FAM171A1: variants seen among roughly 807,000 people sequenced by gnomAD.
FAM171A1 encodes the protein protein FAM171A1.
Under a neutral mutation model 74.9 loss-of-function variants are expected in FAM171A1, and 23 were observed. The observed-to-expected ratio is 0.31, with a 90% CI of 0.22 to 0.44. FAM171A1 has a LOEUF of 0.44. Ranked by LOEUF, FAM171A1 falls within the 20% of genes least tolerant of loss-of-function variation. FAM171A1 has a pLI of 1.00. For synonymous variants in FAM171A1, 527 were observed against 505.7 expected (o/e 1.04, Z -0.57); for missense variants, 1,162 against 1,159.2 (o/e 1.00, Z -0.03).
chr10:15,293,732 G>C (rs1835129458), intron 1 of FAM171A1, among the ~76,000 whole-genome samples: 2 of 152,158 alleles, frequency 1.3e-5, no homozygotes, highest in African/African-American at 4.8e-5. Context: ...GGCTATCTGG[G>C]TACTCACTGC....
chr10:15,352,468 T>C (rs1040484121), intron 1 of FAM171A1, among the ~76,000 whole-genome samples: 1 of 152,214 alleles, frequency 6.6e-6, no homozygotes, highest in Non-Finnish European at 1.5e-5. Flanking sequence ...TCCTCCCTCA[T>C]GTTTACTTGG....
intron 1 of FAM171A1, among the ~76,000 whole-genome samples, chr10:15,290,251 C>A (rs1835087727): frequency 6.6e-6 from 1 of 151,860 alleles, no homozygotes; most frequent in Non-Finnish European, 1.5e-5. Context: ...GGGACAGGAT[C>A]CATCCCAGAA....
chr10:15,351,688 G>T (rs966680692), intron 1 of FAM171A1, among the ~76,000 whole-genome samples: 3 of 152,056 alleles, frequency 2.0e-5, no homozygotes, highest in Admixed American at 6.6e-5. Flanking sequence ...TGGACGGATG[G>T]ATGGGTGGAT....
chr10:15,347,257 G>A (rs931378032), intron 1 of FAM171A1, among the ~76,000 whole-genome samples: 2 of 152,146 alleles, frequency 1.3e-5, no homozygotes, highest in South Asian at 2.1e-4. Context: ...GATAACAGTC[G>A]AACTCCATTT....
chr10:15,238,656 C>T (rs537581225), intron 5 of FAM171A1, among the ~76,000 whole-genome samples: 11 of 152,088 alleles, frequency 7.2e-5, no homozygotes, highest in Non-Finnish European at 1.5e-4. Context: ...TTGTCATAGC[C>T]GTAACATTCA....
chr10:15,234,420 A>G lies in FAM171A1; in HGVS notation c.755-13360T>C, dbSNP rs560140533. On this transcript the variant is annotated intron_variant, in intron 5 of 7. Coordinates refer to ENST00000378116, the MANE Select transcript of FAM171A1 (RefSeq NM_001010924.2). ...AGAATTGGACAAAACGCACAAGCAA[A>G]GCAGCCAAAGCAGAAATTTATTTTA... is the stretch of plus-strand genomic sequence containing the variant. Among the ~76,000 whole-genome samples, 40 of 152,324 alleles carry G rather than the reference A, an allele frequency of 2.6e-4. 1 individual carries two copies. Among genetic ancestry groups the G allele is most frequent in the Middle Eastern group, 3.4e-3 (1 of 294 alleles).
At chr10:15,234,884 G>A (rs1160424059) in intron 5 of FAM171A1, among the ~76,000 whole-genome samples, 1 of 151,912 alleles carries the variant, frequency 6.6e-6, no homozygotes, top group Admixed American at 6.6e-5. Flanking sequence ...GGATGGTCTC[G>A]ATCTCCTGAC....
chr10:15,254,667 T>G, intron 4 of FAM171A1, 54 bp downstream of exon 4: 1 of 1,579,712 alleles, frequency 6.3e-7, no homozygotes, highest in Non-Finnish European at 8.6e-7. Flanking sequence ...AAAATCCACA[T>G]GTAAAGACTA....
intron 1 of FAM171A1, among the ~76,000 whole-genome samples, chr10:15,311,425 T>C (rs1835358136): frequency 6.6e-6 from 1 of 152,242 alleles, no homozygotes; most frequent in Non-Finnish European, 1.5e-5. Flanking sequence ...AAATAGGGAA[T>C]GGCACTGGAA....
chr10:15,313,209 C>T (rs1835384344), intron 1 of FAM171A1, among the ~76,000 whole-genome samples: 3 of 152,190 alleles, frequency 2.0e-5, no homozygotes, highest in Admixed American at 1.3e-4. Flanking sequence ...CTACTCTGAC[C>T]CACTGCTTTG....
chr10:15,348,910 T>C (rs904425350), intron 1 of FAM171A1, among the ~76,000 whole-genome samples: 4 of 152,228 alleles, frequency 2.6e-5, no homozygotes, highest in African/African-American at 9.6e-5. Flanking sequence ...ACCTTTTCTC[T>C]AAAGCAACGG....
At chr10:15,353,468 T>A (rs932384292) in intron 1 of FAM171A1, among the ~76,000 whole-genome samples, 1 of 152,140 alleles carries the variant, frequency 6.6e-6, no homozygotes, top group African/African-American at 2.4e-5. Flanking sequence ...TGACTTCCTG[T>A]CACATGAAAC....
chr10:15,355,741 A>C (rs991382305), intron 1 of FAM171A1, among the ~76,000 whole-genome samples: 1 of 152,014 alleles, frequency 6.6e-6, no homozygotes, highest in Middle Eastern at 3.2e-3. Context: ...AATAAAATAA[A>C]TAAATAAGTA....
At chr10:15,266,260 C>A (rs540464709) in intron 3 of FAM171A1, among the ~76,000 whole-genome samples, 1 of 152,156 alleles carries the variant, frequency 6.6e-6, no homozygotes, top group Admixed American at 6.5e-5. Flanking sequence ...AGAAAGGGGA[C>A]GAGAGCTGCT....
At chr10:15,227,982 A>G (rs974581051) in intron 5 of FAM171A1, among the ~76,000 whole-genome samples, 1 of 152,218 alleles carries the variant, frequency 6.6e-6, no homozygotes, top group Non-Finnish European at 1.5e-5. Context: ...CAGTAATGAA[A>G]TCTACTTTTA....
intron 1 of FAM171A1, among the ~76,000 whole-genome samples, chr10:15,315,357 C>T (rs1588549488): frequency 6.6e-6 from 1 of 152,316 alleles, no homozygotes; most frequent in East Asian, 1.9e-4. Flanking sequence ...AAACACCGTA[C>T]TTTGAGTGTT....
chr10:15,303,299 T>G (rs977807204), intron 1 of FAM171A1, among the ~76,000 whole-genome samples: 1 of 152,202 alleles, frequency 6.6e-6, no homozygotes. Flanking sequence ...CTAAGAACTT[T>G]AAAATCACAC....
intron 1 of FAM171A1, among the ~76,000 whole-genome samples, chr10:15,366,015 A>G (rs1339593599): frequency 6.6e-6 from 1 of 152,210 alleles, no homozygotes; most frequent in East Asian, 1.9e-4. Flanking sequence ...TTTTTAAATA[A>G]TGGTTTTCTT....
intron 1 of FAM171A1, among the ~76,000 whole-genome samples, chr10:15,334,852 T>C (rs1304474931): frequency 1.3e-5 from 2 of 152,210 alleles, no homozygotes; most frequent in African/African-American, 4.8e-5. Context: ...AAATGTTTCT[T>C]GAAGGTTGTA....
Sources: gnomAD v4.1 joint callset for allele counts (sites outside exome capture counted in the v4.1 genomes callset) on GRCh38, gnomAD v4.1.1 for gene constraint, MANE v1.5 for transcripts, NCBI Gene and HGNC (gene_info 2026-07-23, HGNC 2026-07-21) for gene names.